LRRIQ3: variants seen among roughly 807,000 people sequenced by gnomAD.
LRRIQ3 encodes leucine rich repeats and IQ motif containing 3.
In LRRIQ3, 75 loss-of-function variants were observed where a neutral mutation model predicts 59.3. That is an observed-to-expected ratio of 1.26 (90% CI 1.05 to 1.53). The LOEUF is 1.53. Ranked by LOEUF, LRRIQ3 falls within the 40% of genes most tolerant of loss-of-function variation. The pLI, the probability that LRRIQ3 is intolerant of heterozygous loss-of-function variation, is 0.00. For missense variants in LRRIQ3, 831 were observed against 710.0 expected (o/e 1.17, Z -1.94); for synonymous variants, 250 against 231.3 (o/e 1.08, Z -0.73).
At chr1:74,180,816 G>A (rs1374332223) in intron 3 of LRRIQ3, 2 of 1,547,768 alleles carry the variant, frequency 1.3e-6, no homozygotes, top group East Asian at 4.9e-5. Context: ...AGGAAACAAT[G>A]AGGAATAAAT....
intron 1 of LRRIQ3, among the ~76,000 whole-genome samples, chr1:74,184,908 A>G (rs138265574): frequency 7.2e-4 from 109 of 152,342 alleles, no homozygotes; most frequent in African/African-American, 2.4e-3. Flanking sequence ...GACTTCCAAA[A>G]TAGAAAAGAT....
chr1:74,055,180 T>TTTTA (rs1553162666), intron 6 of LRRIQ3, among the ~76,000 whole-genome samples: 1 of 139,970 alleles, frequency 7.1e-6, no homozygotes, highest in African/African-American at 2.7e-5. Context: ...CATATACACT[T>TTTTA]TATATATATA....
At chr1:74,142,665 A>G (rs957072916) in intron 4 of LRRIQ3, among the ~76,000 whole-genome samples, 2 of 152,040 alleles carry the variant, frequency 1.3e-5, no homozygotes, top group African/African-American at 2.4e-5. Flanking sequence ...AATGGCCACA[A>G]ATGCTTGCTT....
At chr1:74,061,640 A>G (rs1358319756) in intron 6 of LRRIQ3, among the ~76,000 whole-genome samples, 1 of 152,156 alleles carries the variant, frequency 6.6e-6, no homozygotes, top group African/African-American at 2.4e-5. Context: ...ACCTAAAACC[A>G]TGAAAACCCT....
At chr1:74,134,795 A>G (rs1393282928) in intron 4 of LRRIQ3, among the ~76,000 whole-genome samples, 2 of 151,928 alleles carry the variant, frequency 1.3e-5, no homozygotes, top group Non-Finnish European at 2.9e-5. Context: ...ACAGTAGAAA[A>G]TACCTGTTTA....
chr1:74,103,726 A>G (rs568580965), intron 5 of LRRIQ3, among the ~76,000 whole-genome samples: 127 of 152,032 alleles, frequency 8.4e-4, no homozygotes, highest in Non-Finnish European at 1.6e-3. Context: ...AAAGAAGATG[A>G]GTAGTAGCTT....
At chr1:74,050,080 T>C (rs1654325211) in intron 6 of LRRIQ3, among the ~76,000 whole-genome samples, 2 of 151,810 alleles carry the variant, frequency 1.3e-5, no homozygotes, top group African/African-American at 4.8e-5. Context: ...CACACCACCA[T>C]ACCTGGCTAA....
chr1:74,127,491 T>A (rs986181464), intron 4 of LRRIQ3, among the ~76,000 whole-genome samples: 1 of 151,928 alleles, frequency 6.6e-6, no homozygotes, highest in Admixed American at 6.6e-5. Flanking sequence ...CTGCTGTATT[T>A]TTTTTATTTG....
intron 4 of LRRIQ3, among the ~76,000 whole-genome samples, chr1:74,135,768 C>T (rs1329443883): frequency 3.3e-5 from 5 of 151,582 alleles, no homozygotes; most frequent in Non-Finnish European, 7.4e-5. Flanking sequence ...GCTGTAAATG[C>T]CTATATCAGA....
intron 7 of LRRIQ3, among the ~76,000 whole-genome samples, chr1:74,040,704 T>TG (rs2100386282): frequency 6.6e-6 from 1 of 152,272 alleles, no homozygotes; most frequent in South Asian, 2.1e-4. Context: ...GAGTAACTAA[T>TG]GAAATTAAGG....
At chr1:74,112,436 A>C (rs184509981) in intron 4 of LRRIQ3, among the ~76,000 whole-genome samples, 56 of 152,276 alleles carry the variant, frequency 3.7e-4, no homozygotes, top group Middle Eastern at 3.4e-3. Flanking sequence ...AAAACAGGAA[A>C]AGAGCTAAGA....
At chr1:74,081,701 A>G (rs1372384991) in intron 5 of LRRIQ3, among the ~76,000 whole-genome samples, 1 of 151,604 alleles carries the variant, frequency 6.6e-6, no homozygotes, top group African/African-American at 2.4e-5. Context: ...ACGTTTCAAT[A>G]CAATTCTATT....
chr1:74,196,696 C>A (rs1256817381), intron 1 of LRRIQ3, among the ~76,000 whole-genome samples: 1 of 152,168 alleles, frequency 6.6e-6, no homozygotes, highest in East Asian at 1.9e-4. Flanking sequence ...ACAGTCCACA[C>A]CCATTAATTC....
At chr1:74,061,125 T>G (rs1654710579) in intron 6 of LRRIQ3, among the ~76,000 whole-genome samples, 1 of 152,038 alleles carries the variant, frequency 6.6e-6, no homozygotes, top group Non-Finnish European at 1.5e-5. Flanking sequence ...AATAACATCC[T>G]CATACTCCAA....
chr1:74,033,037 G>T (rs1024747949), intron 7 of LRRIQ3, among the ~76,000 whole-genome samples: 1 of 152,010 alleles, frequency 6.6e-6, no homozygotes, highest in Non-Finnish European at 1.5e-5. Flanking sequence ...AAATTATCTT[G>T]TTGAGAAGGA....
intron 3 of LRRIQ3, among the ~76,000 whole-genome samples, chr1:74,158,233 C>T (rs1648456235): frequency 1.3e-5 from 2 of 152,126 alleles, no homozygotes; most frequent in East Asian, 1.9e-4. Flanking sequence ...CCCCCACTTT[C>T]TCCAAACCAT....
intron 4 of LRRIQ3, among the ~76,000 whole-genome samples, chr1:74,145,079 C>A (rs1445793907): frequency 6.6e-6 from 1 of 151,962 alleles, no homozygotes; most frequent in East Asian, 1.9e-4. Flanking sequence ...ACCTGAAAAT[C>A]CTTCCATTTT....
intron 5 of LRRIQ3, among the ~76,000 whole-genome samples, chr1:74,092,409 T>C (rs1354667562): frequency 6.6e-6 from 1 of 152,028 alleles, no homozygotes; most frequent in African/African-American, 2.4e-5. Flanking sequence ...ATGAAAGAAA[T>C]GTAAAACATT....
Position 74,055,778 on chromosome 1 carries a change from A to G in LRRIQ3, c.998-13845T>C, listed in dbSNP as rs550488181. 3.3e-5 allele frequency among the ~76,000 whole-genome samples: 5 copies of G among 152,296 alleles called. No individual in the cohort carries two copies. The South Asian group carries it at 1.0e-3, about 32-fold the overall frequency. On this transcript the variant is annotated intron_variant, in intron 6 of 7. Transcript: ENST00000354431. ...AACTGTTTAATGTTTGAAGACTGCC[A>G]ATCTGTTTTTCAAAAGTGGCTGTAT...
Sources: gnomAD v4.1 joint callset for allele counts (sites outside exome capture counted in the v4.1 genomes callset) on GRCh38, gnomAD v4.1.1 for gene constraint, MANE v1.5 for transcripts, NCBI Gene and HGNC (gene_info 2026-07-23, HGNC 2026-07-21) for gene names.